COL9A1: variants seen among roughly 807,000 people sequenced by gnomAD.
COL9A1 encodes collagen type IX alpha 1 chain, also known as collagen alpha-1(IX) chain.
A neutral mutation model predicts 142.6 loss-of-function variants in COL9A1; 104 were observed. The ratio of observed to expected loss-of-function variants is 0.73; its 90% CI spans 0.62 to 0.86. The LOEUF (loss-of-function observed/expected upper bound fraction) is 0.86. Ranked by LOEUF, COL9A1 falls within the 40% of genes least tolerant of loss-of-function variation. COL9A1 has a pLI of 0.00. For missense variants in COL9A1, 1,210 were observed against 1,176.6 expected, an observed-to-expected ratio of 1.03 and a Z score of -0.42; for synonymous variants, 466 against 396.0, an observed-to-expected ratio of 1.18 and a Z score of -2.10.
chr6:70,232,650 C>G lies in COL9A1; in HGVS notation c.2436G>C (p.Gln812His). 6.2e-7 allele frequency: 1 copy of G among 1,614,110 alleles called. No homozygotes were observed. The highest frequency in any genetic ancestry group is 2.2e-5 in the East Asian group (1 of 44,882). Residue 812 changes from glutamine to histidine, a missense_variant, in exon 36 of 38, where the codon CAG (glutamine) becomes CAC (histidine). Physicochemically the swap from Gln to His is conservative, Grantham distance 24 (BLOSUM62 0). Coordinates refer to ENST00000357250, the MANE Select transcript of COL9A1 (RefSeq NM_001851.6). Reference sequence around the variant, plus strand: ...TGCCCGGAAGGCCACGAATTCCCATCTGGCCTGGGAAACCATTCTCTCCAG... The same window carrying G: ...TGCCCGGAAGGCCACGAATTCCCATGTGGCCTGGGAAACCATTCTCTCCAG... ...GPPGENGFPG[Q>H]MGIRGLPGIK... is the part of the protein sequence containing the mutation.
intron 4 of COL9A1, among the ~76,000 whole-genome samples, chr6:70,297,411 G>A (rs141617964): frequency 2.0e-3 from 298 of 152,180 alleles, no homozygotes; most frequent in African/African-American, 6.9e-3. Flanking sequence ...TAGTATAGTA[G>A]TCAATATGGT....
chr6:70,290,263 A>G (rs910537673), intron 5 of COL9A1, among the ~76,000 whole-genome samples: 2 of 152,166 alleles, frequency 1.3e-5, no homozygotes, highest in Non-Finnish European at 2.9e-5. Flanking sequence ...GCTGACAACA[A>G]ACAATAAAGA....
intron 37 of COL9A1, among the ~76,000 whole-genome samples, chr6:70,225,155 C>A (rs1769143349): frequency 6.6e-6 from 1 of 152,208 alleles, no homozygotes. Context: ...ACTGCCTCCC[C>A]ACAATAAGAG....
Position 70,241,972 on chromosome 6 carries a change from CT to C in COL9A1, c.1989del (p.Gly664ValfsTer5). On this transcript the variant is annotated frameshift_variant, in exon 30 of 38. Transcript: ENST00000357250. LOFTEE classifies it high-confidence loss of function. ...AGTGCTGGAGCTCTTACCCTGTCAC[CT>C]TTCATTCCAGGAAGTCCAGGGGGCC... is the stretch of plus-strand genomic sequence containing the variant. ...LPGPPGLPGM[K>X]GDRGVVGEPG... 6.3e-7 allele frequency: 1 copy of C among 1,594,822 alleles called. No individual in the cohort carries two copies.
intron 4 of COL9A1, among the ~76,000 whole-genome samples, chr6:70,295,961 C>T (rs943581350): frequency 2.0e-5 from 3 of 152,152 alleles, no homozygotes; most frequent in Non-Finnish European, 2.9e-5. Context: ...CAGTTATGGA[C>T]CAGGACCCAG....
rs571516982 is a variant in COL9A1 at position 70,283,330 on chromosome 6, C to T, written c.780+407G>A. On this transcript the variant is annotated intron_variant, in intron 6 of 37. Transcript: ENST00000357250. Reference sequence around the variant, plus strand: ...AACCCCTTCCCTGCCGCCGCACAGGCGAGGACTGAGCACGCAGCTCTGCCT... The same window carrying T: ...AACCCCTTCCCTGCCGCCGCACAGGTGAGGACTGAGCACGCAGCTCTGCCT... The T allele has an allele frequency of 1.5e-4, 168 of 1,142,288 alleles. 1 individual carries two copies. The Middle Eastern group carries it at 2.1e-3, about 14-fold the overall frequency. The allele number at this position is 1,142,288 out of a possible 1,614,324, so 70.8% of individuals were successfully genotyped here.
In COL9A1 at chr6:70,285,241, A is replaced by G. The variant is rs563413430; in HGVS notation, c.697-1421T>C. Among the ~76,000 whole-genome samples the G allele has an allele frequency of 2.0e-5, 3 of 152,364 alleles. No homozygotes were observed. The South Asian group carries it at 6.2e-4, about 32-fold the overall frequency. On this transcript the variant is annotated intron_variant, in intron 5 of 37. Transcript: ENST00000357250. ...TGAAATGTAATTCATCTGTGAATAC[A>G]GGCTGGGTTGTTCAGAGTGCCACAT...
At chr6:70,285,801 C>A (rs982212655) in intron 5 of COL9A1, among the ~76,000 whole-genome samples, 1 of 152,238 alleles carries the variant, frequency 6.6e-6, no homozygotes, top group Non-Finnish European at 1.5e-5. Flanking sequence ...TCTCCATTGT[C>A]TCAAGGAGAA....
chr6:70,248,639 A>G (rs1352969103), intron 28 of COL9A1, among the ~76,000 whole-genome samples: 2 of 152,226 alleles, frequency 1.3e-5, no homozygotes, highest in Non-Finnish European at 2.9e-5. Flanking sequence ...ATAACCTATC[A>G]TGACATTTTT....
chr6:70,225,071 C>T (rs992088873), intron 37 of COL9A1, among the ~76,000 whole-genome samples: 3 of 152,176 alleles, frequency 2.0e-5, no homozygotes, highest in African/African-American at 4.8e-5. Context: ...TTTTCCCAAA[C>T]CATTGTGGAA....
intron 28 of COL9A1, among the ~76,000 whole-genome samples, chr6:70,243,700 G>A (rs1255378548): frequency 6.6e-6 from 1 of 152,110 alleles, no homozygotes; most frequent in Non-Finnish European, 1.5e-5. Context: ...GCTGATTTTT[G>A]TATTTTTAGT....
Position 70,294,283 on chromosome 6 carries a change from G to A in COL9A1, c.580C>T (p.Leu194Phe). ...MIGVERSSAT[L>F]FVDCNRIESL... ...TCAATCCTGTTGCAGTCAACAAAAA[G>A]AGTAGCACTACTCCTCTCCACGCCA... Residue 194 changes from leucine (L) to phenylalanine (F), a missense_variant, in exon 5 of 38, where the codon CTT becomes TTT. Physicochemically the swap from Leu to Phe is conservative, Grantham distance 22. Coordinates refer to ENST00000357250, the MANE Select transcript of COL9A1 (RefSeq NM_001851.6). 4 of 1,614,014 alleles carry A rather than the reference G, an allele frequency of 2.5e-6. No homozygotes were observed. The highest frequency in any genetic ancestry group is 3.4e-6 in the Non-Finnish European group (4 of 1,179,960).
At chr6:70,255,096 T>G in intron 23 of COL9A1, 54 bp downstream of exon 23, 2 of 1,613,132 alleles carry the variant, frequency 1.2e-6, no homozygotes, top group South Asian at 1.1e-5. Flanking sequence ...AAAGTTTCAT[T>G]GCAAGTCAAT....
Position 70,271,716 on chromosome 6 carries a change from C to A in COL9A1, c.1090-8G>T. ...TGCTGTCCCAGGAGGACCCTGAAGT[C>A]AACAAATCAAAGCAAATGGTCATTT... On this transcript the variant is annotated splice_region_variant and splice_polypyrimidine_tract_variant and intron_variant, in intron 13 of 37. Coordinates refer to ENST00000357250, the MANE Select transcript of COL9A1 (RefSeq NM_001851.6). 6.2e-7 allele frequency: 1 copy of A among 1,613,318 alleles called. No individual in the cohort carries two copies. Among genetic ancestry groups the A allele is most frequent in the Non-Finnish European group, 8.5e-7 (1 of 1,179,426 alleles).
At chr6:70,234,361 A>G (rs545974523) in intron 35 of COL9A1, among the ~76,000 whole-genome samples, 178 bp downstream of exon 35, 1 of 152,240 alleles carries the variant, frequency 6.6e-6, no homozygotes, top group South Asian at 2.1e-4. Context: ...TACGGGCTGT[A>G]TACTATTGTG....
chr6:70,239,063 C>G (rs917524395), intron 33 of COL9A1, among the ~76,000 whole-genome samples, 191 bp downstream of exon 33: 3 of 151,994 alleles, frequency 2.0e-5, no homozygotes, highest in Non-Finnish European at 4.4e-5. Flanking sequence ...TGCTTGAACC[C>G]AGGAGGCAGA....
Position 70,295,281 on chromosome 6 carries a change from C to CTTTTT in COL9A1, c.300-723_300-719dup, listed in dbSNP as rs1171549562. On this transcript the variant is annotated intron_variant, in intron 4 of 37. Coordinates refer to ENST00000357250, the MANE Select transcript of COL9A1 (RefSeq NM_001851.6). ...CTCTACTGCAACTCTGTTGTTGCTT[C>CTTTTT]TTTTTTTTTTTTTTTTTTTTTTTTT... 2.4e-4 allele frequency among the ~76,000 whole-genome samples: 15 copies of CTTTTT among 63,164 alleles called. 2 individuals carry two copies. Among genetic ancestry groups the CTTTTT allele is most frequent in the South Asian group, 7.5e-4 (1 of 1,336 alleles). 41.4% of individuals were successfully genotyped at this position (63,164 alleles called of 152,430 possible). A position where few individuals can be genotyped will look rare whatever the true frequency, so the allele number is the denominator to read the frequency against.
intron 28 of COL9A1, among the ~76,000 whole-genome samples, chr6:70,243,684 C>T (rs960657745): frequency 2.0e-5 from 3 of 152,110 alleles, no homozygotes; most frequent in Non-Finnish European, 4.4e-5. Flanking sequence ...CATGCCACCA[C>T]GCCTGGCTGA....
At chr6:70,257,786 G>A (rs1302021896) in intron 20 of COL9A1, among the ~76,000 whole-genome samples, 1 of 152,012 alleles carries the variant, frequency 6.6e-6, no homozygotes, top group Non-Finnish European at 1.5e-5. Flanking sequence ...TGAAGGCCAT[G>A]GAGCCACTCT....
Sources: allele counts gnomAD v4.1 joint callset (sites outside exome capture counted in the v4.1 genomes callset), GRCh38; gene constraint gnomAD v4.1.1; transcripts MANE v1.5; gene names NCBI Gene and HGNC (gene_info 2026-07-23, HGNC 2026-07-21).